The following FGF13 variants were observed in gnomAD, a reference collection of about 807,000 sequenced individuals.
FGF13 encodes the protein fibroblast growth factor homologous factor 2.
FGF13 carries 2 observed loss-of-function variants against 19.5 expected under a neutral mutation model. The ratio of observed to expected loss-of-function variants is 0.10; its 90% CI spans 0.04 to 0.32. The LOEUF is 0.32. FGF13 is among the 10% of genes least tolerant of loss of function. The pLI is 1.00. For missense variants in FGF13, 113 were observed against 192.7 expected (o/e 0.59, Z 2.45); for synonymous variants, 72 against 76.9 (o/e 0.94, Z 0.33).
chrX:138,643,623 A>T (rs1465905865), intron 3 of FGF13, among the ~76,000 whole-genome samples: 1 of 112,116 alleles, frequency 8.9e-6, no homozygotes, highest in Non-Finnish European at 1.9e-5. Context: ...TTCATTTTAC[A>T]TAAAATATGT....
intron 3 of FGF13, among the ~76,000 whole-genome samples, chrX:138,778,964 G>T (rs1007095265): frequency 4.4e-5 from 5 of 112,404 alleles, no homozygotes; most frequent in African/African-American, 1.6e-4. Flanking sequence ...ACGAGCTGGA[G>T]ATCTGAGAAC....
chrX:139,045,611 G>A (rs777138243), intron 1 of FGF13, among the ~76,000 whole-genome samples: 3 of 112,325 alleles, frequency 2.7e-5, no homozygotes, highest in Admixed American at 1.9e-4. Flanking sequence ...AGAAGCCAGG[G>A]TAGCTCTTGA....
At position 138,625,516 on chromosome X, in the gene FGF13, A is replaced by ATATATATACATATATATATATAAT. The variant is rs1556025217; in HGVS notation, c.*7333_*7334insATTATATATATATATGTATATATA. On this transcript the variant is annotated 3_prime_UTR_variant, in exon 5 of 5. Coordinates refer to ENST00000315930, the MANE Select transcript of FGF13 (RefSeq NM_004114.5). ...ATATATACATATATATATATAATAT[A>ATATATATACATATATATATATAAT]ATATATATATATATCTTAGCCATAT... 3 of 84,684 alleles carry ATATATATACATATATATATATAAT rather than the reference A, an allele frequency of 3.5e-5. No homozygotes were observed. Among genetic ancestry groups the ATATATATACATATATATATATAAT allele is most frequent in the African/African-American group, 1.7e-4 (3 of 17,910 alleles). 7.0% of individuals were successfully genotyped at this position (84,684 alleles called of 1,213,427 possible).
At chrX:139,088,800 G>A (rs923321088) in intron 1 of FGF13, among the ~76,000 whole-genome samples, 1 of 111,631 alleles carries the variant, frequency 9.0e-6, no homozygotes. Flanking sequence ...CTCATATGTT[G>A]AAATCCTAGC....
intron 1 of FGF13, among the ~76,000 whole-genome samples, chrX:138,992,366 T>C (rs959111510): frequency 2.7e-5 from 3 of 111,769 alleles, no homozygotes; most frequent in African/African-American, 9.7e-5. Flanking sequence ...ATGTATTTAG[T>C]TATTTTTGCA....
intron 1 of FGF13, among the ~76,000 whole-genome samples, chrX:139,045,061 T>C (rs1234255131): frequency 8.9e-6 from 1 of 112,431 alleles, no homozygotes; most frequent in Non-Finnish European, 1.9e-5. Flanking sequence ...CAGGCTTTTT[T>C]CATACATCCT....
At chrX:138,894,778 T>G (rs968283221) in intron 1 of FGF13, among the ~76,000 whole-genome samples, 1 of 110,798 alleles carries the variant, frequency 9.0e-6, no homozygotes, top group Non-Finnish European at 1.9e-5. Context: ...TTCCAATCAA[T>G]AGAAAAAGAG....
rs749462337 is a variant in FGF13, at chrX:139,071,740, G to GA, written c.-113+131675_-113+131676insT. On this transcript the variant is annotated intron_variant, in intron 1 of 2. Transcript: ENST00000421460. ...TCATCTCAAAATGCCTTTATTGGCT[G>GA]GATGCGGTGGCTCACCCCTGTAATC... is the stretch of plus-strand genomic sequence containing the variant. Among the ~76,000 whole-genome samples, 46 of 110,516 alleles carry GA rather than the reference G, an allele frequency of 4.2e-4. No homozygotes were observed. In the East Asian group the frequency reaches 4.9e-3, roughly 12 times the overall value.
At chrX:139,134,239 T>C (rs1022135777) in intron 1 of FGF13, among the ~76,000 whole-genome samples, 3 of 111,767 alleles carry the variant, frequency 2.7e-5, no homozygotes, top group Non-Finnish European at 3.8e-5. Flanking sequence ...TTCTTTCCCA[T>C]TCCTCAATAC....
At chrX:139,084,720 T>C (rs1603190973) in intron 1 of FGF13, among the ~76,000 whole-genome samples, 1 of 112,250 alleles carries the variant, frequency 8.9e-6, no homozygotes, top group Non-Finnish European at 1.9e-5. Flanking sequence ...CTGATGTGTA[T>C]CTTATTTTAC....
At chrX:138,764,561 A>T (rs1326135501) in intron 3 of FGF13, among the ~76,000 whole-genome samples, 2 of 112,582 alleles carry the variant, frequency 1.8e-5, no homozygotes, top group Non-Finnish European at 3.7e-5. Flanking sequence ...TTCATGATAC[A>T]TAAAATTATG....
chrX:138,808,525 G>C (rs1321224251), intron 3 of FGF13, among the ~76,000 whole-genome samples: 1 of 111,007 alleles, frequency 9.0e-6, no homozygotes, highest in Non-Finnish European at 1.9e-5. Context: ...CATCACAATG[G>C]AAAGAACTAG....
intron 3 of FGF13, among the ~76,000 whole-genome samples, chrX:138,664,971 G>A (rs938705483): frequency 3.6e-5 from 4 of 111,130 alleles, no homozygotes; most frequent in African/African-American, 9.8e-5. Context: ...TAATACTCAA[G>A]GGTATGCTCG....
At chrX:138,800,684 C>T (rs779813850) in intron 3 of FGF13, among the ~76,000 whole-genome samples, 54 of 111,893 alleles carry the variant, frequency 4.8e-4, no homozygotes, top group Non-Finnish European at 7.5e-4. Context: ...AACTTGATTC[C>T]ATTCTCCCCG....
intron 1 of FGF13, among the ~76,000 whole-genome samples, chrX:138,882,916 G>A (rs1425768604): frequency 9.0e-6 from 1 of 111,161 alleles, no homozygotes; most frequent in African/African-American, 3.3e-5. Flanking sequence ...CAGGCTTTGA[G>A]GCTAGGAGAA....
intron 3 of FGF13, among the ~76,000 whole-genome samples, chrX:138,768,238 A>G (rs2124338742): frequency 8.9e-6 from 1 of 112,344 alleles, no homozygotes; most frequent in African/African-American, 3.2e-5. Flanking sequence ...TTGAACTAAA[A>G]ATATTCTTCC....
chrX:138,713,282 CTGAT>C (rs1474609565), upstream of FGF13, among the ~76,000 whole-genome samples: 7 of 112,244 alleles, frequency 6.2e-5, no homozygotes, highest in Non-Finnish European at 9.4e-5. Context: ...TGAGGAATGA[CTGAT>C]TGATATTGAT....
intron 3 of FGF13, among the ~76,000 whole-genome samples, chrX:138,662,282 A>C (rs1304847027): frequency 9.0e-6 from 1 of 111,698 alleles, no homozygotes; most frequent in East Asian, 2.8e-4. Flanking sequence ...GTGCCTTTTC[A>C]GACAAGAGTA....
At chrX:139,095,379 T>G in intron 1 of FGF13, among the ~76,000 whole-genome samples, 1 of 111,877 alleles carries the variant, frequency 8.9e-6, no homozygotes, top group Non-Finnish European at 1.9e-5. Context: ...TGAGGTCACT[T>G]TTGACCACTA....
Sources: gnomAD v4.1 joint callset for allele counts (sites outside exome capture counted in the v4.1 genomes callset) on GRCh38, gnomAD v4.1.1 for gene constraint, MANE v1.5 for transcripts, NCBI Gene and HGNC (gene_info 2026-07-23, HGNC 2026-07-21) for gene names.